Variants in PNPLA5 observed in about 807,000 individuals in gnomAD.
PNPLA5 encodes the protein patatin-like phospholipase domain-containing protein 5.
In PNPLA5, 44 loss-of-function variants were observed where a neutral mutation model predicts 49.1. That is an observed-to-expected ratio of 0.90 (90% CI 0.70 to 1.15). PNPLA5 has a LOEUF of 1.15. PNPLA5 is among the 50% of genes most tolerant of loss of function. The pLI is 0.00. For synonymous variants in PNPLA5, 243 were observed against 244.4 expected, an observed-to-expected ratio of 0.99 and a Z score of 0.06; for missense variants, 603 against 564.0, an observed-to-expected ratio of 1.07 and a Z score of -0.70.
rs1375293035 is a variant in PNPLA5 at position 43,886,370 on chromosome 22, C to G, written c.882G>C (p.Trp294Cys). 11 of 1,614,144 alleles carry G rather than the reference C, an allele frequency of 6.8e-6. No individual in the cohort carries two copies. ...CCTTGACTTGCACATGGGGCACTTT[C>G]CAGTTGAGAGACAGGCCCCCCTTCC... The part of the protein sequence containing the change: ...QRWKGGLSLN[W>C]KVPHVQVKDV... Residue 294 changes from tryptophan to cysteine, a missense_variant, in exon 6 of 9, where the codon TGG (tryptophan) becomes TGC (cysteine). Trp to Cys is a radical substitution (Grantham distance 215). Transcript: ENST00000216177.
In PNPLA5 at chr22:43,891,952, A is replaced by G; in HGVS notation, c.-72T>C. On this transcript the variant is annotated 5_prime_UTR_variant, in exon 1 of 9. Transcript: ENST00000216177. ...GTGACCCGGGATAGGGCCGGGATGC[A>G]GCCTTGGACGGGGCTGGGCCCAAAT... 1 of 1,417,316 alleles carries G rather than the reference A, an allele frequency of 7.1e-7. No homozygotes were observed. Among genetic ancestry groups the G allele is most frequent in the Non-Finnish European group, 9.4e-7 (1 of 1,067,894 alleles). The allele number at this position is 1,417,316 out of a possible 1,614,324, so 87.8% of individuals were successfully genotyped here.
Position 43,891,249 on chromosome 22 carries a change from C to G in PNPLA5, c.239G>C (p.Arg80Pro). ...CGGGTGCAGGATGCTTAGGCTCAGC[C>G]GCTCCAACTGCCCAACCATGCCCAG... ...HLLGMVGQLE[R>P]LSLSILHPAY... Residue 80 changes from arginine (R) to proline (P), a missense_variant, in exon 2 of 9, where the codon CGG (arginine) becomes CCG (proline). Transcript: ENST00000216177. 1.3e-6 allele frequency: 2 copies of G among 1,559,294 alleles called. No homozygotes were observed. Among genetic ancestry groups the G allele is most frequent in the South Asian group, 1.2e-5 (1 of 83,252 alleles).
rs887467701 is a variant in PNPLA5 at position 43,881,593 on chromosome 22, G to T, written c.1164C>A (p.Phe388Leu). 6.2e-7 allele frequency: 1 copy of T among 1,610,384 alleles called. No homozygotes were observed. The highest frequency in any genetic ancestry group is 8.5e-7 in the Non-Finnish European group (1 of 1,178,404). ...GLLRNMALEV[F>L]SRTKAQLLGP... ...CAAGGAGCTGGGCCTTGGTCCTGGAGAAAACCTCGAGGGCCATGTTCCTCA... is the reference window on the plus strand; with the variant it reads ...CAAGGAGCTGGGCCTTGGTCCTGGATAAAACCTCGAGGGCCATGTTCCTCA... The change falls in exon 8 of 9, where the codon TTC becomes TTA. Residue 388 changes from phenylalanine to leucine, a missense_variant. By Grantham distance (22) the Phe-to-Leu change is conservative. Transcript: ENST00000216177.
intron 7 of PNPLA5, among the ~76,000 whole-genome samples, chr22:43,883,455 A>G (rs2049630576): frequency 6.6e-6 from 1 of 152,264 alleles, no homozygotes; most frequent in African/African-American, 2.4e-5. Flanking sequence ...CACATTAACC[A>G]GCAAGTCAGA....
intron 7 of PNPLA5, among the ~76,000 whole-genome samples, chr22:43,882,700 T>C (rs1018757947): frequency 1.7e-4 from 26 of 152,362 alleles, no homozygotes; most frequent in African/African-American, 6.3e-4. Flanking sequence ...GGATTTCAAC[T>C]TGTGGTTTCC....
chr22:43,882,935 CCAGA>C (rs1157482107), intron 7 of PNPLA5, among the ~76,000 whole-genome samples: 1 of 152,208 alleles, frequency 6.6e-6, no homozygotes, highest in Non-Finnish European at 1.5e-5. Flanking sequence ...CCACCACTCT[CCAGA>C]CAAAGACCAC....
Position 43,881,526 on chromosome 22 carries a change from C to T in PNPLA5, c.1199+32G>A, listed in dbSNP as rs55905376. On this transcript the variant is annotated intron_variant, in intron 8 of 8. Coordinates refer to ENST00000216177, the MANE Select transcript of PNPLA5 (RefSeq NM_138814.4). ...GTGCGTTCCCCCCAGCACAGCCACC[C>T]CCTCTCCATCCCTGCCCTCTGCCCA... is the stretch of plus-strand genomic sequence containing the variant. The T allele has an allele frequency of 0.22, 339,586 of 1,542,028 alleles. 39,508 individuals are homozygous for T. The highest frequency in any genetic ancestry group is 0.47 in the East Asian group (19,152 of 40,520).
intron 6 of PNPLA5, among the ~76,000 whole-genome samples, chr22:43,885,474 C>G (rs1361329834): frequency 6.6e-6 from 1 of 151,738 alleles, no homozygotes; most frequent in Non-Finnish European, 1.5e-5. Context: ...ACCCTGCCAG[C>G]CTCCCAAGCT....
intron 7 of PNPLA5, among the ~76,000 whole-genome samples, chr22:43,883,933 T>G (rs1013141825): frequency 4.6e-5 from 7 of 151,848 alleles, no homozygotes; most frequent in Non-Finnish European, 8.8e-5. Context: ...GGAGCAATGG[T>G]CAAAGGTCAC....
In PNPLA5 at chr22:43,880,693, T is replaced by C; in HGVS notation, c.*102A>G. The C allele has an allele frequency of 8.9e-7, 1 of 1,125,648 alleles. No homozygotes were observed. 69.7% of individuals were successfully genotyped at this position (1,125,648 alleles called of 1,614,324 possible). ...CAAGCTGCAGGGTCTCCACGGAGAT[T>C]GGCAGGGCCTCTTCCCGCTGGGGCA... On this transcript the variant is annotated 3_prime_UTR_variant, in exon 9 of 9. Transcript: ENST00000216177.
rs751440689 is a variant in PNPLA5 at position 43,886,475 on chromosome 22, T to A, written c.777A>T (p.Glu259Asp). The stretch of plus-strand genomic sequence containing the variant: ...TAGACACCAGCGTCCATAGCACTGG[T>A]TCCTTGGTGAGTCCTGGGTCAGGGG... ...RFLERRGLTK[E>D]PVLWTLVSKE... Residue 259 changes from glutamate (E) to aspartate (D), a missense_variant, in exon 6 of 9, where the codon GAA becomes GAT. Physicochemically the swap from Glu to Asp is conservative, Grantham distance 45. Transcript: ENST00000216177. The A allele has an allele frequency of 6.2e-7, 1 of 1,613,130 alleles. No homozygotes were observed. Among genetic ancestry groups the A allele is most frequent in the Non-Finnish European group, 8.5e-7 (1 of 1,179,616 alleles).
Position 43,891,713 on chromosome 22 carries a change from G to C in PNPLA5, c.168C>G (p.Val56=). The C allele has an allele frequency of 1.3e-6, 2 of 1,548,196 alleles. No homozygotes were observed. Among genetic ancestry groups the C allele is most frequent in the Non-Finnish European group, 1.7e-6 (2 of 1,146,166 alleles). Residue 56 remains valine, a synonymous_variant, in exon 1 of 9, where the codon GTC becomes GTG. Transcript: ENST00000216177. The part of the protein sequence containing the change: ...YGSSSGALNA[V]SIVCGKSVDF... ...CGACCGACTTGCCGCAGACGATGCT[G>C]ACTGCGTTGAGCGCCCCAGACGAGG...
At position 43,880,881 on chromosome 22, in the gene PNPLA5, G is replaced by A; in HGVS notation, c.1204C>T (p.Pro402Ser). ...CTTGTTTCCAGGACGCGAGTGGCCGGAGGGCTGTGGAGGGAGGAGAAGCCA... is the reference window on the plus strand; with the variant it reads ...CTTGTTTCCAGGACGCGAGTGGCCGAAGGGCTGTGGAGGGAGGAGAAGCCA... Reference protein sequence around the residue: ...KAQLLGPISPPATRVLETSPL... With the variant: ...KAQLLGPISPSATRVLETSPL... Residue 402 changes from proline (P) to serine (S), a missense_variant, in exon 9 of 9, where the codon CCG becomes TCG. Pro to Ser is a moderately conservative substitution (Grantham distance 74). Coordinates refer to ENST00000216177, the MANE Select transcript of PNPLA5 (RefSeq NM_138814.4). The A allele has an allele frequency of 7.5e-7, 1 of 1,326,622 alleles. No homozygotes were observed. Among genetic ancestry groups the A allele is most frequent in the Non-Finnish European group, 9.7e-7 (1 of 1,030,016 alleles). The allele number at this position is 1,326,622 out of a possible 1,614,324, so 82.2% of individuals were successfully genotyped here.
At chr22:43,889,756 C>A in intron 3 of PNPLA5, 43 bp downstream of exon 3, 1 of 1,595,496 alleles carries the variant, frequency 6.3e-7, no homozygotes, top group South Asian at 1.1e-5. Flanking sequence ...GTGTGCACCC[C>A]AGGCTGCCCA....
chr22:43,880,855 G>A lies in PNPLA5; in HGVS notation c.1230C>T (p.Ser410=). The A allele has an allele frequency of 7.5e-7, 1 of 1,340,024 alleles. No individual in the cohort carries two copies. The highest frequency in any genetic ancestry group is 2.6e-5 in the South Asian group (1 of 38,834). The allele number at this position is 1,340,024 out of a possible 1,614,324, so 83.0% of individuals were successfully genotyped here. A position where few individuals can be genotyped will look rare whatever the true frequency, so the allele number is the denominator to read the frequency against. The part of the protein sequence containing the change: ...SPPATRVLET[S]PLQPQIAPHR... ...GAGGAGCTATCTGGGGTTGGAGGGGGCTTGTTTCCAGGACGCGAGTGGCCG... is the reference window on the plus strand; with the variant it reads ...GAGGAGCTATCTGGGGTTGGAGGGGACTTGTTTCCAGGACGCGAGTGGCCG... The change falls in exon 9 of 9, where the codon AGC becomes AGT. Residue 410 remains serine (S), a synonymous_variant. Coordinates refer to ENST00000216177, the MANE Select transcript of PNPLA5 (RefSeq NM_138814.4).
At chr22:43,891,420 G>T in intron 1 of PNPLA5, 126 bp from the exon 2 acceptor site, 2 of 1,410,976 alleles carry the variant, frequency 1.4e-6, no homozygotes, top group Non-Finnish European at 9.2e-7. Flanking sequence ...GAATTTCTGG[G>T]CTCGGCCCCG....
intron 2 of PNPLA5, among the ~76,000 whole-genome samples, chr22:43,890,746 C>G (rs937092603): frequency 6.6e-6 from 1 of 152,176 alleles, no homozygotes; most frequent in African/African-American, 2.4e-5. Context: ...CAAAAAGCGG[C>G]GGGAGGATGG....
chr22:43,891,811 G>A lies in PNPLA5; in HGVS notation c.70C>T (p.His24Tyr), dbSNP rs1361179543. ...CGCAGGCATTCGGTGGCGCCCACGTGGTGGGCGCCCAGGTAGCCGGCGCCG... is the reference window on the plus strand; with the variant it reads ...CGCAGGCATTCGGTGGCGCCCACGTAGTGGGCGCCCAGGTAGCCGGCGCCG... Reference protein sequence around the residue: ...FSGAGYLGAHHVGATECLRQR... With the variant: ...FSGAGYLGAHYVGATECLRQR... The change falls in exon 1 of 9, where the codon CAC becomes TAC. Residue 24 changes from histidine (H) to tyrosine (Y), a missense_variant. Coordinates refer to ENST00000216177, the MANE Select transcript of PNPLA5 (RefSeq NM_138814.4). 1 of 1,522,194 alleles carries A rather than the reference G, an allele frequency of 6.6e-7. No individual in the cohort carries two copies. The allele number at this position is 1,522,194 out of a possible 1,614,324, so 94.3% of individuals were successfully genotyped here.
chr22:43,883,849 A>G (rs879748295), intron 7 of PNPLA5, among the ~76,000 whole-genome samples: 22 of 151,894 alleles, frequency 1.4e-4, no homozygotes, highest in Non-Finnish European at 2.6e-4. Flanking sequence ...AAGAGAAGAG[A>G]AAAGAAACCT....
Sources: allele counts gnomAD v4.1 joint callset (sites outside exome capture counted in the v4.1 genomes callset), GRCh38; gene constraint gnomAD v4.1.1; transcripts MANE v1.5; gene names NCBI Gene and HGNC (gene_info 2026-07-23, HGNC 2026-07-21).